The following ENO4 variants were observed in gnomAD, a reference collection of about 807,000 sequenced individuals.
ENO4 encodes enolase 4.
Under a neutral mutation model 63.2 loss-of-function variants are expected in ENO4, and 53 were observed. The observed-to-expected ratio is 0.84, with a 90% CI of 0.67 to 1.05. ENO4 has a LOEUF of 1.05. ENO4 is among the 50% of genes least tolerant of loss of function. ENO4 has a pLI of 0.00. For synonymous variants in ENO4, 266 were observed against 283.8 expected, an observed-to-expected ratio of 0.94 and a Z score of 0.63; for missense variants, 719 against 772.0, an observed-to-expected ratio of 0.93 and a Z score of 0.81.
intron 1 of ENO4, among the ~76,000 whole-genome samples, chr10:116,851,161 A>G (rs1386255448): frequency 6.6e-6 from 1 of 152,266 alleles, no homozygotes; most frequent in Non-Finnish European, 1.5e-5. Flanking sequence ...TTAGGCAGCC[A>G]GGATATTCGT....
chr10:116,870,462 G>A (rs1400508838), intron 8 of ENO4, among the ~76,000 whole-genome samples: 3 of 152,076 alleles, frequency 2.0e-5, no homozygotes, highest in Non-Finnish European at 4.4e-5. Context: ...GCAACACAGT[G>A]AGACCCTGTC....
At position 116,861,202 on chromosome 10, in the gene ENO4, T is replaced by G. The variant is rs1846399765; in HGVS notation, c.936+12T>G. 8.3e-7 allele frequency: 1 copy of G among 1,204,270 alleles called. No individual in the cohort carries two copies. Among genetic ancestry groups the G allele is most frequent in the Admixed American group, 4.0e-5 (1 of 24,934 alleles). The allele number at this position is 1,204,270 out of a possible 1,614,324, so 74.6% of individuals were successfully genotyped here. A position where few individuals can be genotyped will look rare whatever the true frequency, so the allele number is the denominator to read the frequency against. On this transcript the variant is annotated intron_variant, in intron 6 of 13. Transcript: ENST00000341276. Reference sequence around the variant, plus strand: ...TAACAACCAAACAAGTACCTTACATTATCTTAAATTACCTTTTCTAAAAAA... The same window carrying G: ...TAACAACCAAACAAGTACCTTACATGATCTTAAATTACCTTTTCTAAAAAA...
rs1304914211 is a variant in ENO4, at chr10:116,911,499, CCA to C, written c.1197_1198del (p.Thr400PhefsTer6). 1 of 1,550,414 alleles carries C rather than the reference CCA, an allele frequency of 6.4e-7. No homozygotes were observed. The highest frequency in any genetic ancestry group is 1.4e-5 in the African/African-American group (1 of 73,150). On this transcript the variant is annotated frameshift_variant and splice_region_variant, in exon 11 of 11. Coordinates refer to the ENO4 transcript ENST00000369207. LOFTEE classifies it low-confidence loss of function (END_TRUNC). ...TGTACGGACCCTTACATATGGCCAGCCACTTCATCTTCAAGCTGTGATGCCAG... is the reference window on the plus strand; with the variant it reads ...TGTACGGACCCTTACATATGGCCAGCCTTCATCTTCAAGCTGTGATGCCAG...
chr10:116,891,460 C>G (rs1847339548), intron 10 of ENO4, among the ~76,000 whole-genome samples: 1 of 152,100 alleles, frequency 6.6e-6, no homozygotes, highest in African/African-American at 2.4e-5. Context: ...GTTTCATTTA[C>G]AATAAAAATG....
chr10:116,852,526 T>G (rs981581619), intron 1 of ENO4, among the ~76,000 whole-genome samples: 7 of 151,948 alleles, frequency 4.6e-5, no homozygotes, highest in Non-Finnish European at 8.8e-5. Flanking sequence ...TGTGAACACC[T>G]TTTTGTAAGT....
intron 8 of ENO4, among the ~76,000 whole-genome samples, chr10:116,869,887 T>A (rs963558263): frequency 1.5e-5 from 2 of 134,522 alleles, no homozygotes; most frequent in Admixed American, 1.6e-4. Flanking sequence ...TCAACTTAGT[T>A]AACTCCGTAA....
intron 8 of ENO4, among the ~76,000 whole-genome samples, chr10:116,868,926 C>T (rs761964048): frequency 3.3e-5 from 5 of 152,154 alleles, no homozygotes; most frequent in Non-Finnish European, 7.3e-5. Flanking sequence ...AGCTGTCTGA[C>T]CATCTGGAAT....
At position 116,882,087 on chromosome 10, in the gene ENO4, T is replaced by A. The variant is rs902254223; in HGVS notation, c.*418T>A. The A allele has an allele frequency of 1.3e-5, 2 of 154,446 alleles. No individual in the cohort carries two copies. The highest frequency in any genetic ancestry group is 4.8e-5 in the African/African-American group (2 of 41,556). The allele number at this position is 154,446 out of a possible 1,614,324, so 9.6% of individuals were successfully genotyped here. On this transcript the variant is annotated 3_prime_UTR_variant, in exon 14 of 14. Transcript: ENST00000341276. ...GTCCATCTTCTGTGTTTATTCTACA[T>A]GTCTGTGCTGAAAAGCACTGACACA...
chr10:116,911,385 G>A, intron 10 of ENO4: 1 of 1,366,222 alleles, frequency 7.3e-7, no homozygotes, highest in South Asian at 1.5e-5. Flanking sequence ...AGCTATTTGG[G>A]GAGGAATTTA....
intron 10 of ENO4, among the ~76,000 whole-genome samples, chr10:116,908,842 C>CA (rs1848076034): frequency 6.6e-6 from 1 of 152,160 alleles, no homozygotes; most frequent in Non-Finnish European, 1.5e-5. Context: ...CTGAAGGAAT[C>CA]CATTTTCCAT....
chr10:116,898,906 CAG>C (rs1181992084), intron 10 of ENO4, among the ~76,000 whole-genome samples: 1 of 151,868 alleles, frequency 6.6e-6, no homozygotes, highest in African/African-American at 2.4e-5. Context: ...TATAATTTAC[CAG>C]AGAGGAGTTA....
intron 7 of ENO4, among the ~76,000 whole-genome samples, chr10:116,865,756 A>G (rs999643577): frequency 1.3e-5 from 2 of 152,134 alleles, no homozygotes; most frequent in African/African-American, 4.8e-5. Context: ...CCTGCAATGT[A>G]CAGGGCGGCC....
chr10:116,899,540 TGTGTGTGAGAGA>T (rs1181730406), intron 10 of ENO4, among the ~76,000 whole-genome samples: 6 of 91,270 alleles, frequency 6.6e-5, no homozygotes, highest in African/African-American at 1.7e-4. Flanking sequence ...TGTGTGTGTG[TGTGTGTGAGAGA>T]GTGCATGCAT....
rs1048375050 is a variant in ENO4 at position 116,881,991 on chromosome 10, C to T, written c.*322C>T. ...TCCACACTCAGTCAAACACCCCATC[C>T]TTTACCAATCAGAATATCTCTGAGA... On this transcript the variant is annotated 3_prime_UTR_variant, in exon 14 of 14. Transcript: ENST00000341276. The T allele has an allele frequency of 5.8e-5, 12 of 208,176 alleles. No homozygotes were observed. Among genetic ancestry groups the T allele is most frequent in the Admixed American group, 5.9e-5 (1 of 16,904 alleles). The allele number at this position is 208,176 out of a possible 1,614,324, so 12.9% of individuals were successfully genotyped here. A position where few individuals can be genotyped will look rare whatever the true frequency, so the allele number is the denominator to read the frequency against.
intron 11 of ENO4, among the ~76,000 whole-genome samples, chr10:116,878,858 C>T (rs1846915185): frequency 1.3e-5 from 2 of 150,756 alleles, no homozygotes; most frequent in South Asian, 4.2e-4. Flanking sequence ...ATTCTCCTGC[C>T]TCAGCCTCGC....
At chr10:116,868,598 C>A (rs1450621511) in intron 7 of ENO4, 52 bp from the exon 8 acceptor site, 2 of 1,486,706 alleles carry the variant, frequency 1.3e-6, no homozygotes, top group South Asian at 2.4e-5. Flanking sequence ...TGCTTGCTGC[C>A]ACAGCCATGC....
chr10:116,894,018 C>G (rs2133308776), intron 10 of ENO4, among the ~76,000 whole-genome samples: 1 of 152,050 alleles, frequency 6.6e-6, no homozygotes, highest in African/African-American at 2.4e-5. Context: ...AATGAAGAGA[C>G]CAGTTAGAGG....
chr10:116,873,323 A>C (rs1326500599), intron 9 of ENO4, among the ~76,000 whole-genome samples: 1 of 152,060 alleles, frequency 6.6e-6, no homozygotes, highest in Non-Finnish European at 1.5e-5. Context: ...CCAAACAGCC[A>C]CTCTGTTGCA....
intron 10 of ENO4, among the ~76,000 whole-genome samples, chr10:116,909,544 C>G (rs748623199): frequency 1.2e-4 from 19 of 152,272 alleles, no homozygotes; most frequent in Non-Finnish European, 2.5e-4. Context: ...TTTCCTAAAC[C>G]TCAAAACCTT....
Sources: allele counts gnomAD v4.1 joint callset (sites outside exome capture counted in the v4.1 genomes callset), GRCh38; gene constraint gnomAD v4.1.1; transcripts MANE v1.5; gene names NCBI Gene and HGNC (gene_info 2026-07-23, HGNC 2026-07-21).